The following KCNH1 variants were observed in gnomAD, a reference collection of about 807,000 sequenced individuals.
KCNH1 encodes the protein potassium voltage-gated channel subfamily H member 1, also known as voltage-gated delayed rectifier potassium channel KCNH1.
KCNH1 carries 27 observed loss-of-function variants against 69.2 expected under a neutral mutation model. The ratio of observed to expected loss-of-function variants is 0.39; its 90% CI spans 0.29 to 0.54. The LOEUF is 0.54. KCNH1 is among the 20% of genes least tolerant of loss of function. The pLI, the probability that KCNH1 is intolerant of heterozygous loss-of-function variation, is 0.68. For synonymous variants in KCNH1, 456 were observed against 487.7 expected (o/e 0.93, Z 0.86); for missense variants, 798 against 1,261.6 (o/e 0.63, Z 5.57).
chr1:210,987,558 C>T (rs1371651936), intron 6 of KCNH1, among the ~76,000 whole-genome samples: 5 of 152,128 alleles, frequency 3.3e-5, no homozygotes, highest in Non-Finnish European at 5.9e-5. Context: ...CTCCAGACCC[C>T]GTTTGCCTGG....
chr1:210,849,674 C>G (rs1427888352), intron 7 of KCNH1, among the ~76,000 whole-genome samples: 1 of 151,938 alleles, frequency 6.6e-6, no homozygotes, highest in East Asian at 1.9e-4. Flanking sequence ...CTGCCATGAG[C>G]CTTTTAATCA....
At chr1:210,791,652 C>T (rs1279307480) in intron 9 of KCNH1, among the ~76,000 whole-genome samples, 1 of 152,158 alleles carries the variant, frequency 6.6e-6, no homozygotes, top group Non-Finnish European at 1.5e-5. Flanking sequence ...TCCAAGAAGT[C>T]TATAGAAAAA....
intron 6 of KCNH1, among the ~76,000 whole-genome samples, chr1:210,945,636 A>G (rs891571015): frequency 1.3e-5 from 2 of 152,160 alleles, no homozygotes. Context: ...CTGATTCAGG[A>G]TGTCTCCAAC....
At chr1:210,855,681 C>A (rs1351397268) in intron 7 of KCNH1, among the ~76,000 whole-genome samples, 1 of 152,186 alleles carries the variant, frequency 6.6e-6, no homozygotes, top group Non-Finnish European at 1.5e-5. Context: ...TTTGGGGTCA[C>A]CTGCCCTCCC....
At chr1:211,108,180 T>C (rs773675087) in intron 1 of KCNH1, among the ~76,000 whole-genome samples, 2 of 152,226 alleles carry the variant, frequency 1.3e-5, no homozygotes, top group Non-Finnish European at 2.9e-5. Flanking sequence ...AAATCAGTCG[T>C]CAATACTTTT....
chr1:210,888,590 A>G (rs981549534), intron 7 of KCNH1, among the ~76,000 whole-genome samples: 6 of 152,332 alleles, frequency 3.9e-5, no homozygotes, highest in African/African-American at 1.4e-4. Flanking sequence ...GAGACATAAA[A>G]AACCCTTCAA....
At chr1:210,956,412 T>C (rs1342727419) in intron 6 of KCNH1, among the ~76,000 whole-genome samples, 1 of 152,184 alleles carries the variant, frequency 6.6e-6, no homozygotes, top group Admixed American at 6.5e-5. Flanking sequence ...TGATGCTGGC[T>C]TCATAAAATG....
At chr1:211,128,569 G>A (rs1450174385) in intron 1 of KCNH1, among the ~76,000 whole-genome samples, 1 of 151,982 alleles carries the variant, frequency 6.6e-6, no homozygotes, top group Non-Finnish European at 1.5e-5. Flanking sequence ...GAAGGCTTTG[G>A]GGGCTTCTAG....
rs1431951892 is a variant in KCNH1 at position 210,919,360 on chromosome 1, A to T, written c.1462+280T>A. 8 of 352,878 alleles carry T rather than the reference A, an allele frequency of 2.3e-5. No individual in the cohort carries two copies. The Admixed American group carries it at 3.4e-4, about 15-fold the overall frequency. 21.9% of individuals were successfully genotyped at this position (352,878 alleles called of 1,614,324 possible). A position where few individuals can be genotyped will look rare whatever the true frequency, so the allele number is the denominator to read the frequency against. ...ATGTATTCAGATATGCAAAGAAAAT[A>T]GTCTGTAAGAGAAGACACCAACAGT... On this transcript the variant is annotated intron_variant, in intron 7 of 10. Coordinates refer to ENST00000271751, the MANE Select transcript of KCNH1 (RefSeq NM_172362.3). This position sits in a 1 kb window ranked among gnomAD's most constrained non-coding sequence, Gnocchi z 4.2.
chr1:210,927,000 C>T (rs1281480361), intron 6 of KCNH1, among the ~76,000 whole-genome samples: 7 of 152,046 alleles, frequency 4.6e-5, no homozygotes, highest in Admixed American at 6.6e-5. Context: ...TTCAAATTAA[C>T]CCAATCCAAC....
In KCNH1 at chr1:210,910,017, C is replaced by A. The variant is rs980108480; in HGVS notation, c.1462+9623G>T. On this transcript the variant is annotated intron_variant, in intron 7 of 10. Transcript: ENST00000271751. ...TGTTAAAAAATTTTCATCAAATTGG[C>A]CTTGCTGCAAAATGTTGCAATCCCT... is the stretch of plus-strand genomic sequence containing the variant. Among the ~76,000 whole-genome samples, 4 of 152,278 alleles carry A rather than the reference C, an allele frequency of 2.6e-5. No homozygotes were observed. In the East Asian group the frequency reaches 7.7e-4, roughly 29 times the overall value.
Position 210,798,091 on chromosome 1 carries a change from G to GT in KCNH1, c.1663-332dup, listed in dbSNP as rs68037999. The stretch of plus-strand genomic sequence containing the variant: ...GTCTTGCTCTGTCTCCCAGGCTGGA[G>GT]TGCAGTGGCATGATCTCGGCTCACT... On this transcript the variant is annotated intron_variant, in intron 8 of 10. Coordinates refer to ENST00000271751, the MANE Select transcript of KCNH1 (RefSeq NM_172362.3). 0.17 allele frequency among the ~76,000 whole-genome samples: 26,053 copies of GT among 149,382 alleles called. 2,447 individuals are homozygous for GT. The highest frequency in any genetic ancestry group is 0.24 in the African/African-American group (9,728 of 40,154).
chr1:210,985,182 T>C (rs950762804), intron 6 of KCNH1, among the ~76,000 whole-genome samples: 2 of 152,222 alleles, frequency 1.3e-5, no homozygotes, highest in Non-Finnish European at 2.9e-5. Flanking sequence ...TTTTGTTCTT[T>C]ATTAGTCTTG....
At chr1:210,989,110 T>C (rs930984295) in intron 6 of KCNH1, among the ~76,000 whole-genome samples, 1 of 152,238 alleles carries the variant, frequency 6.6e-6, no homozygotes, top group African/African-American at 2.4e-5. Context: ...TCATACCCTC[T>C]GTAAGTACCT....
At chr1:211,053,999 G>A (rs1690255984) in intron 5 of KCNH1, among the ~76,000 whole-genome samples, 1 of 152,074 alleles carries the variant, frequency 6.6e-6, no homozygotes, top group Admixed American at 6.6e-5. Context: ...GCTGGGCATG[G>A]TGGCTCACAC....
At chr1:210,755,053 C>T (rs1683368017) in intron 10 of KCNH1, among the ~76,000 whole-genome samples, 1 of 152,032 alleles carries the variant, frequency 6.6e-6, no homozygotes, top group Admixed American at 6.6e-5. Flanking sequence ...GAAGCTCATG[C>T]AGTGACAAAG....
intron 10 of KCNH1, among the ~76,000 whole-genome samples, chr1:210,749,202 C>G (rs1367762901): frequency 2.0e-5 from 3 of 152,148 alleles, no homozygotes; most frequent in African/African-American, 7.2e-5. Flanking sequence ...TCTTCAGTTC[C>G]CTTGGCTGGA....
chr1:211,077,883 A>G (rs1055664015), intron 5 of KCNH1, among the ~76,000 whole-genome samples: 10 of 152,164 alleles, frequency 6.6e-5, no homozygotes, highest in Admixed American at 6.5e-5. Context: ...GCAGAGACAC[A>G]TATAGGCTCA....
At chr1:210,935,120 TCACACACACACACACACACA>T (rs10588037) in intron 6 of KCNH1, among the ~76,000 whole-genome samples, 112 of 129,234 alleles carry the variant, frequency 8.7e-4, no homozygotes, top group African/African-American at 2.9e-3. Context: ...AAAGAAAATG[TCACACACACACACACACACA>T]CACACACACA....
Sources: allele counts gnomAD v4.1 joint callset (sites outside exome capture counted in the v4.1 genomes callset), GRCh38; gene constraint gnomAD v4.1.1; non-coding constraint Gnocchi (gnomAD v3.1); transcripts MANE v1.5; gene names NCBI Gene and HGNC (gene_info 2026-07-23, HGNC 2026-07-21).